CDH13: variants seen among roughly 807,000 people sequenced by gnomAD.
The protein encoded by CDH13 is cadherin 13, also known as cadherin-13.
In CDH13, 24 loss-of-function variants were observed where a neutral mutation model predicts 63.8. The observed-to-expected ratio is 0.38, with a 90% CI of 0.27 to 0.53. The LOEUF (loss-of-function observed/expected upper bound fraction) is 0.53, where lower values mean the gene tolerates loss of function less well. CDH13 is among the 20% of genes least tolerant of loss of function. CDH13 has a pLI of 0.85. For synonymous variants in CDH13, 503 were observed against 355.3 expected (o/e 1.42, Z -4.67); for missense variants, 1,049 against 903.1 (o/e 1.16, Z -2.07).
chr16:83,793,812 TAA>T (rs201145847), intron 13 of CDH13, among the ~76,000 whole-genome samples: 31,738 of 142,164 alleles, frequency 0.22, 3,496 homozygotes, highest in Non-Finnish European at 0.27. Context: ...ACTCTGTCTC[TAA>T]AAAAAAAAAA....
chr16:82,896,143 T>A (rs1436473957), intron 2 of CDH13, among the ~76,000 whole-genome samples: 1 of 152,178 alleles, frequency 6.6e-6, no homozygotes, highest in Non-Finnish European at 1.5e-5. Context: ...TGTTTCCCTG[T>A]AGAAGTATAG....
chr16:82,672,350 C>T (rs1384387334), intron 1 of CDH13, among the ~76,000 whole-genome samples: 1 of 152,152 alleles, frequency 6.6e-6, no homozygotes, highest in East Asian at 1.9e-4. Context: ...ACTTAGAAGT[C>T]TAATTCTCTA....
chr16:83,768,780 T>C (rs825250), intron 11 of CDH13, among the ~76,000 whole-genome samples: 54,303 of 151,802 alleles, frequency 0.36, 10,071 homozygotes, highest in Admixed American at 0.5. Flanking sequence ...AGTGTAGCAA[T>C]GAGGATGACC....
At position 82,877,801 on chromosome 16, in the gene CDH13, T is replaced by C. The variant is rs916022346; in HGVS notation, c.157+19328T>C. 2.1e-3 allele frequency among the ~76,000 whole-genome samples: 291 copies of C among 139,208 alleles called. 1 individual carries two copies. Among genetic ancestry groups the C allele is most frequent in the African/African-American group, 7.0e-3 (275 of 39,074 alleles). The allele number at this position is 139,208 out of a possible 152,430, so 91.3% of individuals were successfully genotyped here. A position where few individuals can be genotyped will look rare whatever the true frequency, so the allele number is the denominator to read the frequency against. On this transcript the variant is annotated intron_variant, in intron 2 of 13. Coordinates refer to ENST00000567109, the MANE Select transcript of CDH13 (RefSeq NM_001257.5). ...ACACACAGCCACCTCTATTCATTTT[T>C]TTTTTTTTAAATTTCCAGTAGCCAG...
chr16:83,082,789 G>T lies in CDH13; in HGVS notation c.367-42596G>T, dbSNP rs537868805. 5.9e-5 allele frequency among the ~76,000 whole-genome samples: 9 copies of T among 152,302 alleles called. No homozygotes were observed. In the East Asian group the frequency reaches 1.7e-3, roughly 29 times the overall value. On this transcript the variant is annotated intron_variant, in intron 3 of 13. Transcript: ENST00000567109. ...GAGATTTGGCATAAGAAAAACCTACGTGGAAAAGATCAGAAAAAGTCCCTC... is the reference window on the plus strand; with the variant it reads ...GAGATTTGGCATAAGAAAAACCTACTTGGAAAAGATCAGAAAAAGTCCCTC...
chr16:82,793,851 C>T (rs2036441849), intron 1 of CDH13, among the ~76,000 whole-genome samples: 1 of 152,112 alleles, frequency 6.6e-6, no homozygotes, highest in Non-Finnish European at 1.5e-5. Context: ...AGATGGGAGT[C>T]TCAGAATTTT....
At chr16:83,186,665 T>A (rs1465108196) in intron 4 of CDH13, among the ~76,000 whole-genome samples, 1 of 152,212 alleles carries the variant, frequency 6.6e-6, no homozygotes, top group Non-Finnish European at 1.5e-5. Context: ...ACCACTGGGT[T>A]AAGGAGTTAC....
intron 3 of CDH13, among the ~76,000 whole-genome samples, chr16:83,078,925 G>A (rs1279057806): frequency 6.6e-6 from 1 of 152,134 alleles, no homozygotes; most frequent in African/African-American, 2.4e-5. Context: ...CTCCCAAGTA[G>A]CTGGGATTAC....
At chr16:83,739,065 A>G (rs1911811103) in intron 10 of CDH13, among the ~76,000 whole-genome samples, 1 of 152,212 alleles carries the variant, frequency 6.6e-6, no homozygotes, top group Non-Finnish European at 1.5e-5. Flanking sequence ...AGACCTGCCT[A>G]CAAGGTTGGC....
chr16:82,907,603 A>G (rs1567650657), intron 2 of CDH13, among the ~76,000 whole-genome samples: 2 of 152,318 alleles, frequency 1.3e-5, no homozygotes, highest in East Asian at 3.9e-4. Flanking sequence ...TTTGTAAACT[A>G]TGACAGAAAA....
intron 5 of CDH13, among the ~76,000 whole-genome samples, chr16:83,290,893 T>C (rs1383406805): frequency 1.3e-5 from 2 of 152,150 alleles, no homozygotes; most frequent in Non-Finnish European, 2.9e-5. Context: ...TTTTTTCCCA[T>C]CTCTACGCAG....
At chr16:83,333,593 G>T (rs1409475711) in intron 5 of CDH13, among the ~76,000 whole-genome samples, 1 of 152,124 alleles carries the variant, frequency 6.6e-6, no homozygotes, top group African/African-American at 2.4e-5. Context: ...GTCTAACAAA[G>T]CTTTGTTTAG....
intron 3 of CDH13, among the ~76,000 whole-genome samples, chr16:83,081,937 A>G (rs1048362429): frequency 2.0e-5 from 3 of 151,956 alleles, no homozygotes; most frequent in African/African-American, 7.3e-5. Flanking sequence ...AATTGCTGGG[A>G]TTACAGGCAT....
intron 12 of CDH13, among the ~76,000 whole-genome samples, chr16:83,781,660 T>G (rs915254851): frequency 5.9e-5 from 9 of 152,200 alleles, no homozygotes; most frequent in Non-Finnish European, 1.3e-4. Context: ...AGACCTTCTC[T>G]TGTTTGAGGG....
intron 1 of CDH13, among the ~76,000 whole-genome samples, chr16:82,640,609 C>G (rs932499247): frequency 6.6e-6 from 1 of 152,158 alleles, no homozygotes; most frequent in African/African-American, 2.4e-5. Flanking sequence ...CATTTGCCAA[C>G]CACTAATCTA....
intron 1 of CDH13, among the ~76,000 whole-genome samples, chr16:82,665,610 C>T (rs1597260464): frequency 6.6e-6 from 1 of 152,034 alleles, no homozygotes; most frequent in African/African-American, 2.4e-5. Flanking sequence ...ATCAAAAAGG[C>T]GGCTGCATGC....
chr16:83,432,380 A>G (rs1293047279), intron 6 of CDH13, among the ~76,000 whole-genome samples: 1 of 152,144 alleles, frequency 6.6e-6, no homozygotes, highest in Admixed American at 6.5e-5. Context: ...ATATACCCCT[A>G]TCACAGATGA....
intron 2 of CDH13, among the ~76,000 whole-genome samples, chr16:82,983,901 G>T (rs1029334560): frequency 2.0e-5 from 3 of 152,150 alleles, no homozygotes; most frequent in Non-Finnish European, 2.9e-5. Flanking sequence ...TCTAGGAAGC[G>T]GGAATAATTT....
At chr16:83,757,673 A>G (rs80072464) in intron 11 of CDH13, among the ~76,000 whole-genome samples, 4,834 of 152,248 alleles carry the variant, frequency 0.032, 113 homozygotes, top group East Asian at 0.069. Context: ...ACTGTTGGGC[A>G]AAAAAAGAAA....
Sources: allele counts gnomAD v4.1 joint callset (sites outside exome capture counted in the v4.1 genomes callset), GRCh38; gene constraint gnomAD v4.1.1; transcripts MANE v1.5; gene names NCBI Gene and HGNC (gene_info 2026-07-23, HGNC 2026-07-21).